The following SMCO2 variants were observed in gnomAD, a reference collection of about 807,000 sequenced individuals.
SMCO2 encodes the protein single-pass membrane and coiled-coil domain-containing protein 2.
Under a neutral mutation model 29.5 loss-of-function variants are expected in SMCO2, and 25 were observed. The observed-to-expected ratio is 0.85, with a 90% CI of 0.62 to 1.18. The LOEUF (loss-of-function observed/expected upper bound fraction) is 1.18. Ranked by LOEUF, SMCO2 falls within the 50% of genes most tolerant of loss-of-function variation. The pLI is 0.00. For missense variants in SMCO2, 348 were observed against 344.5 expected, an observed-to-expected ratio of 1.01 and a Z score of -0.08; for synonymous variants, 117 against 123.3, an observed-to-expected ratio of 0.95 and a Z score of 0.34.
At chr12:27,474,791 G>A in exon 4 of SMCO2, 3 of 1,551,646 alleles carry the variant, frequency 1.9e-6, no homozygotes, top group East Asian at 2.4e-5. Context: ...ACCAGGGTAT[G>A]TTGGAGCTAG....
At chr12:27,484,195 A>G (rs401225) in intron 4 of SMCO2, among the ~76,000 whole-genome samples, 16,204 of 152,182 alleles carry the variant, frequency 0.11, 1,960 homozygotes, top group African/African-American at 0.27. Flanking sequence ...GTTGGAGACC[A>G]TCCTGGCCAA....
intron 7 of SMCO2, chr12:27,497,514 G>T (rs1361415519): frequency 1.2e-5 from 2 of 170,656 alleles, no homozygotes; most frequent in African/African-American, 5.0e-5. Context: ...CCTGAGGCAG[G>T]TGGATCACTT....
chr12:27,438,618 A>T, the SMCO2 span, among the ~76,000 whole-genome samples: 2 of 152,148 alleles, frequency 1.3e-5, no homozygotes, highest in East Asian at 1.9e-4. Flanking sequence ...CATCTGATCA[A>T]CTACATTAGT....
intron 7 of SMCO2, chr12:27,496,889 A>T (rs1452645461): frequency 6.6e-6 from 1 of 151,140 alleles, no homozygotes; most frequent in Non-Finnish European, 1.5e-5. Flanking sequence ...CATGAATCTT[A>T]TCTTCGTAAT....
chr12:27,469,457 C>T (rs1305110766), intron 1 of SMCO2, among the ~76,000 whole-genome samples: 2 of 152,186 alleles, frequency 1.3e-5, no homozygotes, highest in Non-Finnish European at 2.9e-5. Context: ...TTTAACATCT[C>T]TGTGATTCCC....
the SMCO2 span, among the ~76,000 whole-genome samples, chr12:27,432,113 T>A: frequency 1.3e-5 from 2 of 152,220 alleles, no homozygotes; most frequent in Non-Finnish European, 2.9e-5. Flanking sequence ...AGTTATTTGG[T>A]TTTTTTGTTG....
At chr12:27,495,785 A>C (rs1047444114) in exon 7 of SMCO2, 2 of 1,539,486 alleles carry the variant, frequency 1.3e-6, no homozygotes, top group African/African-American at 2.8e-5. Context: ...TACGGAAGAG[A>C]TGGAGGCCCT....
intron 5 of SMCO2, among the ~76,000 whole-genome samples, chr12:27,492,230 T>C (rs1942925903): frequency 6.6e-6 from 1 of 152,242 alleles, no homozygotes; most frequent in African/African-American, 2.4e-5. Context: ...CAATTTTCTA[T>C]GCTAGTAGAT....
intron 4 of SMCO2, among the ~76,000 whole-genome samples, chr12:27,479,581 C>T (rs1949622700): frequency 6.6e-6 from 1 of 152,174 alleles, no homozygotes; most frequent in Non-Finnish European, 1.5e-5. Flanking sequence ...TGTGTCCCCG[C>T]CCAAATCTCA....
chr12:27,489,122 C>T (rs867067710), intron 5 of SMCO2, among the ~76,000 whole-genome samples: 2 of 152,188 alleles, frequency 1.3e-5, no homozygotes, highest in African/African-American at 4.8e-5. Flanking sequence ...GATCTTGGCT[C>T]ATTGCAATCT....
chr12:27,479,282 G>T (rs989396641), intron 4 of SMCO2, among the ~76,000 whole-genome samples: 6 of 152,004 alleles, frequency 3.9e-5, no homozygotes, highest in Non-Finnish European at 8.8e-5. Flanking sequence ...GCAGTGGGTG[G>T]GGTAGGCTGC....
At chr12:27,462,818 A>G (rs1462675012), upstream of SMCO2, among the ~76,000 whole-genome samples, 2 of 152,272 alleles carry the variant, frequency 1.3e-5, no homozygotes, top group South Asian at 2.1e-4. Context: ...GTGGGAATAT[A>G]AATCAACACA....
At chr12:27,472,923 G>C in intron 3 of SMCO2, 48 bp downstream of exon 3, 1 of 1,361,064 alleles carries the variant, frequency 7.3e-7, no homozygotes, top group Non-Finnish European at 1.0e-6. Context: ...GACACAGTAG[G>C]TTGAAGAGAA....
intron 1 of SMCO2, 140 bp from the exon 2 acceptor site, chr12:27,470,482 C>A (rs766997776): frequency 2.2e-6 from 2 of 905,640 alleles, no homozygotes; most frequent in Non-Finnish European, 3.2e-6. Flanking sequence ...TTTTGGGGTC[C>A]TTTACGATGA....
At chr12:27,462,740 A>G (rs1429158984), upstream of SMCO2, among the ~76,000 whole-genome samples, 2 of 152,252 alleles carry the variant, frequency 1.3e-5, no homozygotes. Context: ...CACAATAGTA[A>G]TTGAGAGTAA....
rs1253073728 is a variant in SMCO2, at chr12:27,502,127, C to A, written c.*6C>A. 3 of 1,511,548 alleles carry A rather than the reference C, an allele frequency of 2.0e-6. No individual in the cohort carries two copies. In the East Asian group the frequency reaches 7.4e-5, roughly 37 times the overall value. 93.6% of individuals were successfully genotyped at this position (1,511,548 alleles called of 1,614,324 possible). On this transcript the variant is annotated 3_prime_UTR_variant, in exon 8 of 8. Coordinates refer to ENST00000298876, the Ensembl canonical transcript of SMCO2. Reference sequence around the variant, plus strand: ...AAGCCTTGTTACCCTCCTAAAGATACAGAAGTTACTGTCACCCTACTGACT... The same window carrying A: ...AAGCCTTGTTACCCTCCTAAAGATAAAGAAGTTACTGTCACCCTACTGACT...
At chr12:27,464,890 A>T (rs306632), upstream of SMCO2, among the ~76,000 whole-genome samples, 1 of 149,778 alleles carries the variant, frequency 6.7e-6, no homozygotes, top group Admixed American at 6.6e-5. Flanking sequence ...TTAGCCGGGC[A>T]TGGTGGCGGG....
chr12:27,495,585 A>T (rs970807609), intron 6 of SMCO2, 95 bp from the exon 8 acceptor site: 18 of 1,217,854 alleles, frequency 1.5e-5, no homozygotes, highest in Non-Finnish European at 1.8e-5. Context: ...TGGGCCCCCA[A>T]GGTGATCCAG....
the SMCO2 span, among the ~76,000 whole-genome samples, chr12:27,456,737 T>C: frequency 0.029 from 4,354 of 152,316 alleles, 96 homozygotes; most frequent in Non-Finnish European, 0.046. Flanking sequence ...GTATAAAACC[T>C]ACCATCAGTG....
Sources: allele counts gnomAD v4.1 joint callset (sites outside exome capture counted in the v4.1 genomes callset), GRCh38; gene constraint gnomAD v4.1.1; transcripts MANE v1.5; gene names NCBI Gene and HGNC (gene_info 2026-07-23, HGNC 2026-07-21).